UNC13C: variants seen among roughly 807,000 people sequenced by gnomAD.
UNC13C encodes unc-13 homolog C, also known as protein unc-13 homolog C.
UNC13C carries 174 observed loss-of-function variants against 245.4 expected under a neutral mutation model. The observed-to-expected ratio is 0.71, with a 90% CI of 0.63 to 0.80. UNC13C has a LOEUF of 0.80. UNC13C is among the 30% of genes least tolerant of loss of function. The pLI is 0.00. For missense variants in UNC13C, 2,829 were observed against 2,602.9 expected (o/e 1.09, Z -1.89); for synonymous variants, 992 against 895.1 (o/e 1.11, Z -1.93).
At chr15:54,525,908 T>C (rs1411923641) in intron 25 of UNC13C, among the ~76,000 whole-genome samples, 1 of 152,152 alleles carries the variant, frequency 6.6e-6, no homozygotes, top group Non-Finnish European at 1.5e-5. Context: ...TTTCCCACAC[T>C]CAGGACAGAA....
the UNC13C span, among the ~76,000 whole-genome samples, chr15:53,900,149 A>G: frequency 6.6e-6 from 1 of 152,278 alleles, no homozygotes; most frequent in South Asian, 2.1e-4. Flanking sequence ...ATTTAATTCA[A>G]AATTAATGAG....
the UNC13C span, among the ~76,000 whole-genome samples, chr15:53,843,489 T>C: frequency 1.3e-5 from 2 of 152,028 alleles, no homozygotes; most frequent in African/African-American, 2.4e-5. Context: ...TATCACTCTT[T>C]AGGGTGGCTC....
intron 8 of UNC13C, among the ~76,000 whole-genome samples, chr15:54,258,171 T>A (rs12905236): frequency 0.38 from 56,669 of 150,898 alleles, 10,843 homozygotes; most frequent in Middle Eastern, 0.41. Flanking sequence ...GTCAAAAAAA[T>A]AAATAAGTTA....
chr15:53,903,164 T>C, the UNC13C span, among the ~76,000 whole-genome samples: 1 of 152,238 alleles, frequency 6.6e-6, no homozygotes, highest in Non-Finnish European at 1.5e-5. Context: ...GACATATAGA[T>C]ATTTGTCTCC....
At chr15:54,533,752 T>C (rs1034138532) in intron 26 of UNC13C, among the ~76,000 whole-genome samples, 4 of 152,202 alleles carry the variant, frequency 2.6e-5, no homozygotes, top group African/African-American at 9.7e-5. Context: ...GTTCCTACTC[T>C]TAGAAGTTCT....
At chr15:54,041,723 C>A (rs1435434456) in intron 2 of UNC13C, among the ~76,000 whole-genome samples, 7 of 152,070 alleles carry the variant, frequency 4.6e-5, no homozygotes. Context: ...AATAATATTA[C>A]CTCATGGGGT....
chr15:54,490,101 C>T (rs1893626963), intron 19 of UNC13C, among the ~76,000 whole-genome samples: 1 of 152,210 alleles, frequency 6.6e-6, no homozygotes, highest in African/African-American at 2.4e-5. Flanking sequence ...GATTAATTCC[C>T]ATGGGTTTAG....
At chr15:54,320,848 T>G in intron 13 of UNC13C, 1 of 322,010 alleles carries the variant, frequency 3.1e-6, no homozygotes, top group Non-Finnish European at 6.1e-6. Flanking sequence ...CCTCCAAAGT[T>G]TCTACCCTTC....
At chr15:54,624,590 C>A (rs1222442200) in intron 32 of UNC13C, among the ~76,000 whole-genome samples, 1 of 152,118 alleles carries the variant, frequency 6.6e-6, no homozygotes, top group East Asian at 1.9e-4. Context: ...ATGAGATTTA[C>A]ATCTTTATTT....
rs369826617 is a variant in UNC13C at position 54,014,458 on chromosome 15, A to G, written c.1555A>G (p.Ile519Val). 1.1e-5 allele frequency: 17 copies of G among 1,613,672 alleles called. No individual in the cohort carries two copies. The African/African-American group carries it at 1.9e-4, about 18-fold the overall frequency. The change falls in exon 2 of 33, where the codon ATC (isoleucine) becomes GTC (valine). Residue 519 changes from isoleucine (I) to valine (V), a missense_variant. Physicochemically the swap from Ile to Val is conservative, Grantham distance 29 (BLOSUM62 3). Transcript: ENST00000260323. ...CTCCTCACAGTTGCCAGAATCAGAT[A>G]TCTTGGAAAAGCAAACCACAACCCA... ...KISSQLPESD[I>V]LEKQTTTHYA...
chr15:54,521,472 A>T (rs1410770710), intron 24 of UNC13C, among the ~76,000 whole-genome samples: 1 of 152,212 alleles, frequency 6.6e-6, no homozygotes, highest in African/African-American at 2.4e-5. Flanking sequence ...AAGAGTTTAA[A>T]TGACTTTTAA....
chr15:53,959,684 G>T, the UNC13C span, among the ~76,000 whole-genome samples: 1 of 151,986 alleles, frequency 6.6e-6, no homozygotes, highest in South Asian at 2.1e-4. Context: ...GAGATTTCAT[G>T]GCTATGTTTT....
the UNC13C span, among the ~76,000 whole-genome samples, chr15:53,962,421 T>A: frequency 6.6e-6 from 1 of 152,304 alleles, no homozygotes; most frequent in Admixed American, 6.5e-5. Flanking sequence ...ATTATACGGT[T>A]ATGATTTCTT....
At chr15:54,017,834 C>T (rs961204182) in intron 2 of UNC13C, among the ~76,000 whole-genome samples, 1 of 152,112 alleles carries the variant, frequency 6.6e-6, no homozygotes, top group African/African-American at 2.4e-5. Context: ...GTGCCATTTA[C>T]CTGCATATGA....
chr15:54,261,392 T>C (rs1455100074), intron 8 of UNC13C, among the ~76,000 whole-genome samples: 1 of 152,214 alleles, frequency 6.6e-6, no homozygotes, highest in Non-Finnish European at 1.5e-5. Context: ...TGATAAAGCA[T>C]AGGGCAATGG....
intron 2 of UNC13C, among the ~76,000 whole-genome samples, chr15:54,066,207 A>G (rs141968050): frequency 5.0e-4 from 76 of 152,320 alleles, no homozygotes; most frequent in Middle Eastern, 3.4e-3. Flanking sequence ...TAATAAGTAA[A>G]GAGTTATAGA....
chr15:53,912,092 T>A, the UNC13C span: 3 of 152,146 alleles, frequency 2.0e-5, no homozygotes, highest in African/African-American at 7.2e-5. Flanking sequence ...CGGATGTGGA[T>A]TGATTTACTT....
At chr15:54,394,674 T>C (rs1426851948) in intron 18 of UNC13C, among the ~76,000 whole-genome samples, 1 of 151,870 alleles carries the variant, frequency 6.6e-6, no homozygotes, top group East Asian at 1.9e-4. Context: ...AAACATCTAC[T>C]GAGAAACACA....
At chr15:54,058,186 A>C (rs1342088570) in intron 2 of UNC13C, among the ~76,000 whole-genome samples, 1 of 152,192 alleles carries the variant, frequency 6.6e-6, no homozygotes, top group East Asian at 1.9e-4. Context: ...GTTTTTTTGA[A>C]AAGATCAACA....
Sources: allele counts gnomAD v4.1 joint callset (sites outside exome capture counted in the v4.1 genomes callset), GRCh38; gene constraint gnomAD v4.1.1; transcripts MANE v1.5; gene names NCBI Gene and HGNC (gene_info 2026-07-23, HGNC 2026-07-21).